PARP6: variants seen among roughly 807,000 people sequenced by gnomAD.
The protein encoded by PARP6 is poly(ADP-ribose) polymerase family member 6.
Under a neutral mutation model 92.0 loss-of-function variants are expected in PARP6, and 27 were observed. The observed-to-expected ratio is 0.29, with a 90% CI of 0.22 to 0.40. PARP6 has a LOEUF of 0.40. Among genes scored for constraint, PARP6 ranks in the 10% least tolerant of loss-of-function variants. The probability of loss-of-function intolerance (pLI) is 1.00; values close to 1 mark genes in which losing one functional copy is unlikely to be tolerated. For missense variants in PARP6, 501 were observed against 784.5 expected (o/e 0.64, Z 4.32); for synonymous variants, 272 against 281.2 (o/e 0.97, Z 0.33).
At chr15:72,250,198 G>A (rs2084167052) in intron 18 of PARP6, 106 bp from the exon 19 acceptor site, 1 of 739,702 alleles carries the variant, frequency 1.4e-6, no homozygotes, top group Non-Finnish European at 2.5e-6. Context: ...ACATGAAGAT[G>A]GACAGGTACA....
chr15:72,249,024 G>A, intron 20 of PARP6: 1 of 383,882 alleles, frequency 2.6e-6, no homozygotes. Flanking sequence ...CCCCTGCTAT[G>A]AATAAAACCA....
chr15:72,260,496 T>TG lies in PARP6; in HGVS notation c.737dup (p.Ala247SerfsTer38). On this transcript the variant is annotated frameshift_variant, in exon 10 of 24. Transcript: ENST00000569795. LOFTEE classifies it high-confidence loss of function. ...CATGTACCAAAGGAGAGGTCCGTGC[T>TG]GGGGGAGGGAGGCCCACGTGCTGAG... 1 of 1,614,022 alleles carries TG rather than the reference T, an allele frequency of 6.2e-7. No homozygotes were observed. Among genetic ancestry groups the TG allele is most frequent in the Non-Finnish European group, 8.5e-7 (1 of 1,179,900 alleles).
chr15:72,250,285 T>C (rs2084180092), intron 18 of PARP6, 193 bp from the exon 19 acceptor site: 1 of 549,794 alleles, frequency 1.8e-6, no homozygotes, highest in Non-Finnish European at 3.4e-6. Context: ...TACGTCTCTA[T>C]TTCCAGTCCC....
At position 72,265,901 on chromosome 15, in the gene PARP6, T is replaced by G. The variant is rs754686893; in HGVS notation, c.172A>C (p.Ile58Leu). ...ACCCCTGAAGTAGAGTCCCACCTGA[T>G]GGATACAGAGTTCTCACTGTAGATC... is the stretch of plus-strand genomic sequence containing the variant. Reference protein sequence around the residue: ...KEIYSENSVSIREYGTIDDVD... With the variant: ...KEIYSENSVSLREYGTIDDVD... The change falls in exon 5 of 24, where the codon ATC becomes CTC. Residue 58 changes from isoleucine to leucine, a missense_variant. By Grantham distance (5) the Ile-to-Leu change is conservative (BLOSUM62 2). Coordinates refer to ENST00000569795, the MANE Select transcript of PARP6 (RefSeq NM_001323532.2). The G allele has an allele frequency of 1.2e-6, 2 of 1,609,436 alleles. No individual in the cohort carries two copies. The highest frequency in any genetic ancestry group is 1.7e-6 in the Non-Finnish European group (2 of 1,175,736).
chr15:72,266,477 T>C (rs2086605985), intron 4 of PARP6, among the ~76,000 whole-genome samples: 1 of 151,036 alleles, frequency 6.6e-6, no homozygotes, highest in African/African-American at 2.4e-5. Context: ...CCCCACTGGC[T>C]AGTGTTATAA....
intron 3 of PARP6, 104 bp from the exon 4 acceptor site, chr15:72,266,926 A>C (rs2086676445): frequency 2.3e-6 from 2 of 867,536 alleles, no homozygotes; most frequent in Non-Finnish European, 3.9e-6. Context: ...AAGATTGGGA[A>C]ATATAGAATA....
At chr15:72,270,604 T>G (rs2087277768) in intron 2 of PARP6, among the ~76,000 whole-genome samples, 1 of 152,168 alleles carries the variant, frequency 6.6e-6, no homozygotes, top group Non-Finnish European at 1.5e-5. Flanking sequence ...CCATAGAGCC[T>G]TTGTCCCTGC....
intron 20 of PARP6, among the ~76,000 whole-genome samples, chr15:72,246,735 T>G (rs1291686817): frequency 2.7e-5 from 4 of 150,920 alleles, no homozygotes; most frequent in African/African-American, 9.7e-5. Context: ...GGGACTTCCC[T>G]CTTCTTATTG....
chr15:72,256,426 A>G (rs765805356), intron 14 of PARP6, 39 bp downstream of exon 14: 2 of 1,460,564 alleles, frequency 1.4e-6, no homozygotes, highest in South Asian at 3.0e-5. Context: ...ATCTTTTATC[A>G]TTTCTGTTCC....
rs2083082633 is a variant in PARP6 at position 72,241,776 on chromosome 15, C to T, written c.1790+125G>A. On this transcript the variant is annotated intron_variant, in intron 23 of 23. Transcript: ENST00000569795. The surrounding 1 kb of genome is among the most constrained non-coding windows in gnomAD (Gnocchi z 4.1). ...TCCTCCAATGGTAAAGTCCCAGTGA[C>T]AGCTCCACTCAGGTAGCCAAGGACA... is the stretch of plus-strand genomic sequence containing the variant. 4 of 818,334 alleles carry T rather than the reference C, an allele frequency of 4.9e-6. No individual in the cohort carries two copies. The East Asian group carries it at 7.3e-5, about 15-fold the overall frequency. 50.7% of individuals were successfully genotyped at this position (818,334 alleles called of 1,614,324 possible). A position where few individuals can be genotyped will look rare whatever the true frequency, so the allele number is the denominator to read the frequency against.
intron 12 of PARP6, 66 bp downstream of exon 12, chr15:72,257,971 G>A (rs1341598911): frequency 3.6e-6 from 4 of 1,096,700 alleles, no homozygotes; most frequent in Non-Finnish European, 5.7e-6. Flanking sequence ...CAAGGAAGAA[G>A]GAAATAAAGG....
At chr15:72,243,340 G>C (rs1373850121) in intron 20 of PARP6, 1 of 152,142 alleles carries the variant, frequency 6.6e-6, no homozygotes. Context: ...AAAATGAATG[G>C]AAAGGAAGCA....
intron 20 of PARP6, among the ~76,000 whole-genome samples, chr15:72,248,077 C>T (rs1414551712): frequency 6.6e-6 from 1 of 152,152 alleles, no homozygotes; most frequent in Non-Finnish European, 1.5e-5. Context: ...CGCCTTATTA[C>T]CTTTTTAAAT....
chr15:72,257,464 G>A (rs371393736), intron 12 of PARP6, 24 bp from the exon 13 acceptor site: 3 of 1,585,190 alleles, frequency 1.9e-6, no homozygotes, highest in African/African-American at 2.7e-5. Context: ...TTAAACAGAT[G>A]GTGGTGGGAT....
At position 72,260,706 on chromosome 15, in the gene PARP6, AGAG is replaced by A. The variant is rs1263120880; in HGVS notation, c.546-21_546-19del. 4 of 1,585,606 alleles carry A rather than the reference AGAG, an allele frequency of 2.5e-6. No individual in the cohort carries two copies. The highest frequency in any genetic ancestry group is 3.5e-6 in the Non-Finnish European group (4 of 1,154,012). On this transcript the variant is annotated intron_variant, in intron 9 of 23. Coordinates refer to ENST00000569795, the MANE Select transcript of PARP6 (RefSeq NM_001323532.2). The stretch of plus-strand genomic sequence containing the variant: ...TGGGAGACCTGCAGAGAGAGAGCAA[AGAG>A]AAGTGATAAAACTGGGGATTTCATA...
rs1488770227 is a variant in PARP6, at chr15:72,265,966, C to T, written c.107G>A (p.Arg36Gln). Residue 36 changes from arginine (R) to glutamine (Q), a missense_variant, in exon 5 of 24, where the codon CGA becomes CAA. Around this residue, in one of 4 missense-constraint regions of PARP6, gnomAD observed 291 missense variants for 352.0 expected, o/e 0.83. Transcript: ENST00000569795. ...VQGSCAADLY[R>Q]HPQLDADIEA... is the part of the protein sequence containing the mutation. ...AATGTCTGCATCAAGCTGTGGGTGT[C>T]GATACAGGTCAGCTGCACAGCTCCC... is the stretch of plus-strand genomic sequence containing the variant. The T allele has an allele frequency of 8.7e-6, 14 of 1,613,472 alleles. No individual in the cohort carries two copies. The highest frequency in any genetic ancestry group is 3.3e-5 in the Admixed American group (2 of 59,980).
chr15:72,249,168 A>G, intron 20 of PARP6, 77 bp downstream of exon 20: 1 of 778,904 alleles, frequency 1.3e-6, no homozygotes, highest in Non-Finnish European at 2.2e-6. Flanking sequence ...ATGAGGGAGG[A>G]ACAGACAGCA....
intron 14 of PARP6, among the ~76,000 whole-genome samples, chr15:72,255,790 T>C (rs1321179807): frequency 0.031 from 2,843 of 90,270 alleles, 88 homozygotes; most frequent in Non-Finnish European, 0.047. Context: ...CTCTCTTTTT[T>C]TTTTTTTTTT....
rs1301815296 is a variant in PARP6 at position 72,250,949 on chromosome 15, C to T, written c.1314G>A (p.Lys438=). 2 of 1,610,486 alleles carry T rather than the reference C, an allele frequency of 1.2e-6. No individual in the cohort carries two copies. Among genetic ancestry groups the T allele is most frequent in the Admixed American group, 3.3e-5 (2 of 59,770 alleles). ...HIVKLPLSRL[K]FMHTSHQFLL... ...GGAACTGGTGTGAGGTGTGCATGAA[C>T]TTCAGCTGCTGCCCAGGGTGGGGGT... Residue 438 remains lysine, a synonymous_variant, in exon 18 of 24, where the codon AAG becomes AAA. Transcript: ENST00000569795.
Sources: allele counts gnomAD v4.1 joint callset (sites outside exome capture counted in the v4.1 genomes callset), GRCh38; gene constraint gnomAD v4.1.1; regional missense constraint gnomAD v4.1.1; non-coding constraint Gnocchi (gnomAD v3.1); transcripts MANE v1.5; gene names NCBI Gene and HGNC (gene_info 2026-07-23, HGNC 2026-07-21).